The following TBC1D31 variants were observed in gnomAD, a reference collection of about 807,000 sequenced individuals.
The protein encoded by TBC1D31 is TBC1 domain family member 31, also known as WD repeat domain 67.
In TBC1D31, 99 loss-of-function variants were observed where a neutral mutation model predicts 132.9. The ratio of observed to expected loss-of-function variants is 0.74; its 90% CI spans 0.63 to 0.88. The LOEUF (loss-of-function observed/expected upper bound fraction) is 0.88, where lower values mean the gene tolerates loss of function less well. Among genes scored for constraint, TBC1D31 ranks in the 40% least tolerant of loss-of-function variants. TBC1D31 has a pLI of 0.00. For synonymous variants in TBC1D31, 385 were observed against 419.4 expected (o/e 0.92, Z 1.00); for missense variants, 1,134 against 1,256.6 (o/e 0.90, Z 1.48).
chr8:123,154,767 C>T (rs1456993345), downstream of TBC1D31, among the ~76,000 whole-genome samples: 5 of 152,084 alleles, frequency 3.3e-5, no homozygotes, highest in African/African-American at 1.2e-4. Context: ...AGTCATAAGG[C>T]AATTGTGCAC....
intron 11 of TBC1D31, among the ~76,000 whole-genome samples, chr8:123,122,175 C>T (rs567634258): frequency 6.6e-6 from 1 of 152,302 alleles, no homozygotes; most frequent in South Asian, 2.1e-4. Context: ...TATAACCCAA[C>T]CATTTCACTC....
At chr8:123,123,209 A>G (rs1819663754) in intron 11 of TBC1D31, 1 of 152,284 alleles carries the variant, frequency 6.6e-6, no homozygotes, top group Admixed American at 6.5e-5. Flanking sequence ...TACTCCAGTC[A>G]CCTTCTCAGA....
intron 10 of TBC1D31, among the ~76,000 whole-genome samples, chr8:123,113,661 A>C (rs13268997): frequency 0.083 from 12,580 of 152,230 alleles, 726 homozygotes; most frequent in East Asian, 0.24. Context: ...CTACTAGTAC[A>C]TTTACAATTA....
chr8:123,080,529 CTTTTTTTTTTTT>C (rs57694076), intron 2 of TBC1D31, among the ~76,000 whole-genome samples: 3 of 76,320 alleles, frequency 3.9e-5, no homozygotes, highest in African/African-American at 1.6e-4. Flanking sequence ...TTCTTTTATT[CTTTTTTTTTTTT>C]TTTTTTTTTT....
At chr8:123,109,717 T>G in intron 10 of TBC1D31, 97 bp downstream of exon 10, 1 of 1,162,034 alleles carries the variant, frequency 8.6e-7, no homozygotes, top group South Asian at 1.7e-5. Flanking sequence ...TTTGTCAGTT[T>G]GATTATCCTT....
Position 123,084,337 on chromosome 8 carries a change from G to C in TBC1D31, c.516G>C (p.Gln172His). The change falls in exon 4 of 22, where the codon CAG becomes CAC. Residue 172 changes from glutamine (Q) to histidine (H), a missense_variant. Gln to His is a conservative substitution (Grantham distance 24). Coordinates refer to ENST00000287380, the MANE Select transcript of TBC1D31 (RefSeq NM_145647.4). ...KLNIRQSVGI[Q>H]KVFFLPLSNT... ...ATATTCGCCAGTCTGTGGGTATACA[G>C]AAGGTCAGTGAGGGGGTACATCTTG... is the stretch of plus-strand genomic sequence containing the variant. 1 of 1,613,922 alleles carries C rather than the reference G, an allele frequency of 6.2e-7. No individual in the cohort carries two copies. The highest frequency in any genetic ancestry group is 2.2e-5 in the East Asian group (1 of 44,868).
rs937286095 is a variant in TBC1D31 at position 123,111,126 on chromosome 8, C to T, written c.1436+1506C>T. Among the ~76,000 whole-genome samples, 4 of 151,712 alleles carry T rather than the reference C, an allele frequency of 2.6e-5. No homozygotes were observed. In the East Asian group the frequency reaches 7.7e-4, roughly 29 times the overall value. On this transcript the variant is annotated intron_variant, in intron 10 of 21. Coordinates refer to ENST00000287380, the MANE Select transcript of TBC1D31 (RefSeq NM_145647.4). ...TCCCCCCTTTGGTATTTGTTTCTTTCACTTGCAAGAAAACTTCCTAGGTGG... is the reference window on the plus strand; with the variant it reads ...TCCCCCCTTTGGTATTTGTTTCTTTTACTTGCAAGAAAACTTCCTAGGTGG...
At chr8:123,080,505 GCTTTTCTTTT>G (rs71310654) in intron 2 of TBC1D31, among the ~76,000 whole-genome samples, 38,988 of 142,858 alleles carry the variant, frequency 0.27, 5,621 homozygotes, top group Non-Finnish European at 0.31. Flanking sequence ...AGAGCAGAGA[GCTTTTCTTTT>G]CTTTTCTTTT....
chr8:123,097,176 C>A (rs1046746864), intron 5 of TBC1D31, 106 bp from the exon 6 acceptor site: 2 of 1,197,922 alleles, frequency 1.7e-6, no homozygotes, highest in Non-Finnish European at 2.4e-6. Flanking sequence ...GACCATATTG[C>A]ATAGCATAGA....
intron 4 of TBC1D31, among the ~76,000 whole-genome samples, chr8:123,091,690 ATG>A (rs1484618923): frequency 1.3e-5 from 2 of 152,204 alleles, no homozygotes; most frequent in African/African-American, 2.4e-5. Context: ...TGCATTATAT[ATG>A]TGTGTGTGTT....
chr8:123,117,495 C>T (rs1819035895), intron 10 of TBC1D31, among the ~76,000 whole-genome samples: 1 of 152,056 alleles, frequency 6.6e-6, no homozygotes, highest in Admixed American at 6.6e-5. Flanking sequence ...TGGCTCACGC[C>T]TGTAATCCCA....
chr8:123,145,402 G>A (rs962278732), intron 20 of TBC1D31, among the ~76,000 whole-genome samples: 2 of 152,124 alleles, frequency 1.3e-5, no homozygotes, highest in African/African-American at 4.8e-5. Flanking sequence ...AGTTCTGTTT[G>A]ATTCTGTTGC....
In TBC1D31 at chr8:123,135,170, G is replaced by A. The variant is rs547005501; in HGVS notation, c.2499+964G>A. Among the ~76,000 whole-genome samples the A allele has an allele frequency of 1.8e-3, 279 of 152,300 alleles. 1 individual carries two copies. Among genetic ancestry groups the A allele is most frequent in the African/African-American group, 6.4e-3 (266 of 41,568 alleles). On this transcript the variant is annotated intron_variant, in intron 17 of 21. Coordinates refer to ENST00000287380, the MANE Select transcript of TBC1D31 (RefSeq NM_145647.4). The stretch of plus-strand genomic sequence containing the variant: ...ACACCTCGGCCTCCCGAAGTGCTAG[G>A]ATTACAGGCATGAGCCACCACGCCT...
At position 123,144,726 on chromosome 8, in the gene TBC1D31, G is replaced by A; in HGVS notation, c.2845G>A (p.Ala949Thr). Residue 949 changes from alanine (A) to threonine (T), a missense_variant, in exon 20 of 22, where the codon GCT becomes ACT. By Grantham distance (58) the Ala-to-Thr change is moderately conservative (BLOSUM62 0). Transcript: ENST00000287380. Reference sequence around the variant, plus strand: ...ATTTATTTGAATTTAGTGGAAGGAAGCTGAAGGAAAAGAGTTCCGTTTGAG... The same window carrying A: ...ATTTATTTGAATTTAGTGGAAGGAAACTGAAGGAAAAGAGTTCCGTTTGAG... ...VEEEAKKWKEAEGKEFRLRSA... is the reference protein window; with the variant it reads ...VEEEAKKWKETEGKEFRLRSA... 4.4e-6 allele frequency: 7 copies of A among 1,604,028 alleles called. No individual in the cohort carries two copies. The highest frequency in any genetic ancestry group is 5.9e-6 in the Non-Finnish European group (7 of 1,177,556).
At chr8:123,095,367 C>A (rs1219452749) in intron 5 of TBC1D31, among the ~76,000 whole-genome samples, 1 of 152,158 alleles carries the variant, frequency 6.6e-6, no homozygotes, top group Non-Finnish European at 1.5e-5. Flanking sequence ...TAGTTAATAA[C>A]CTTCTATAGA....
chr8:123,088,321 C>T (rs536351467), intron 4 of TBC1D31, among the ~76,000 whole-genome samples: 1 of 152,046 alleles, frequency 6.6e-6, no homozygotes, highest in African/African-American at 2.4e-5. Flanking sequence ...AGAATGTAAC[C>T]ATTTAAAGCC....
intron 11 of TBC1D31, among the ~76,000 whole-genome samples, chr8:123,122,201 A>G (rs1819565745): frequency 6.6e-6 from 1 of 152,248 alleles, no homozygotes; most frequent in African/African-American, 2.4e-5. Flanking sequence ...TATATACCCA[A>G]AAGAATTGAA....
intron 2 of TBC1D31, among the ~76,000 whole-genome samples, chr8:123,081,579 T>C (rs1475731344): frequency 6.6e-6 from 1 of 152,238 alleles, no homozygotes; most frequent in East Asian, 1.9e-4. Flanking sequence ...TAGACACATA[T>C]TGAGTTCATA....
intron 6 of TBC1D31, among the ~76,000 whole-genome samples, chr8:123,099,683 C>T (rs1192637898): frequency 6.6e-6 from 1 of 152,166 alleles, no homozygotes; most frequent in Non-Finnish European, 1.5e-5. Context: ...CTCCACCCTC[C>T]TTGTTTCTGA....
Sources: gnomAD v4.1 joint callset for allele counts (sites outside exome capture counted in the v4.1 genomes callset) on GRCh38, gnomAD v4.1.1 for gene constraint, MANE v1.5 for transcripts, NCBI Gene and HGNC (gene_info 2026-07-23, HGNC 2026-07-21) for gene names.